Variants in DPYD observed in about 807,000 individuals in gnomAD.
DPYD encodes the protein dihydropyrimidine dehydrogenase [NADP(+)].
DPYD carries 109 observed loss-of-function variants against 116.2 expected under a neutral mutation model. That is an observed-to-expected ratio of 0.94 (90% confidence interval 0.80 to 1.10). DPYD has a LOEUF of 1.10. Ranked by LOEUF, DPYD falls within the 50% of genes least tolerant of loss-of-function variation. The pLI, the probability that DPYD is intolerant of heterozygous loss-of-function variation, is 0.00. For synonymous variants in DPYD, 440 were observed against 432.0 expected, an observed-to-expected ratio of 1.02 and a Z score of -0.23; for missense variants, 1,302 against 1,254.5, an observed-to-expected ratio of 1.04 and a Z score of -0.57.
chr1:97,549,015 G>A (rs952619723), intron 12 of DPYD, among the ~76,000 whole-genome samples: 1 of 151,660 alleles, frequency 6.6e-6, no homozygotes, highest in Non-Finnish European at 1.5e-5. Flanking sequence ...AACACATCAG[G>A]ACTAATGACT....
intron 3 of DPYD, among the ~76,000 whole-genome samples, chr1:97,814,657 G>A (rs564668013): frequency 2.3e-4 from 35 of 152,184 alleles, no homozygotes; most frequent in Admixed American, 7.9e-4. Flanking sequence ...AGAAAGACTT[G>A]TGGATGAATT....
chr1:97,116,840 C>G (rs1652002383), intron 20 of DPYD, among the ~76,000 whole-genome samples: 1 of 151,870 alleles, frequency 6.6e-6, no homozygotes, highest in African/African-American at 2.4e-5. Flanking sequence ...CTTTAGATAT[C>G]TACCTCAGAA....
At chr1:97,453,536 T>C (rs569214279) in intron 13 of DPYD, among the ~76,000 whole-genome samples, 2 of 152,274 alleles carry the variant, frequency 1.3e-5, no homozygotes, top group South Asian at 4.1e-4. Context: ...AGCTATATGC[T>C]ATATGCTATT....
chr1:97,227,156 C>T (rs912109714), intron 19 of DPYD, among the ~76,000 whole-genome samples: 1 of 151,426 alleles, frequency 6.6e-6, no homozygotes, highest in African/African-American at 2.4e-5. Context: ...GAAACCCCGT[C>T]TTTACAAAAA....
At chr1:97,226,964 C>T (rs569665297) in intron 19 of DPYD, among the ~76,000 whole-genome samples, 3 of 152,118 alleles carry the variant, frequency 2.0e-5, no homozygotes, top group South Asian at 4.2e-4. Context: ...TAGAAATAAA[C>T]AGTGCCACGG....
At chr1:97,287,458 G>C (rs919476848) in intron 18 of DPYD, among the ~76,000 whole-genome samples, 1 of 152,130 alleles carries the variant, frequency 6.6e-6, no homozygotes, top group Non-Finnish European at 1.5e-5. Context: ...TCTCTTCAAA[G>C]CTGTCAGACA....
chr1:97,241,456 T>G (rs984786164), intron 18 of DPYD, among the ~76,000 whole-genome samples: 7 of 151,990 alleles, frequency 4.6e-5, no homozygotes, highest in Non-Finnish European at 1.0e-4. Flanking sequence ...AATAAATAAC[T>G]TATCCAGTGT....
chr1:97,120,152 T>C lies in DPYD; in HGVS notation c.2623-21520A>G, dbSNP rs1442025251. ...TTAGCTCCTTCTTTGTCTGGGGATT[T>C]TGTTAATGCCCTTTCTTCATATAAG... On this transcript the variant is annotated intron_variant, in intron 20 of 22. Coordinates refer to ENST00000370192, the MANE Select transcript of DPYD (RefSeq NM_000110.4). 2.0e-5 allele frequency among the ~76,000 whole-genome samples: 3 copies of C among 152,310 alleles called. No individual in the cohort carries two copies. The East Asian group carries it at 5.8e-4, about 29-fold the overall frequency.
rs554600208 is a variant in DPYD, at chr1:97,390,919, C to T, written c.1906-8458G>A. ...CTCCCCAAGGTTAACAGTGACCTCACCAAATATATTATATACTTTTCAGCC... is the reference window on the plus strand; with the variant it reads ...CTCCCCAAGGTTAACAGTGACCTCATCAAATATATTATATACTTTTCAGCC... On this transcript the variant is annotated intron_variant, in intron 14 of 22. Coordinates refer to ENST00000370192, the MANE Select transcript of DPYD (RefSeq NM_000110.4). Among the ~76,000 whole-genome samples, 93 of 151,940 alleles carry T rather than the reference C, an allele frequency of 6.1e-4. 1 individual carries two copies. The highest frequency in any genetic ancestry group is 2.1e-3 in the African/African-American group (89 of 41,514).
At chr1:97,399,159 A>C (rs906639349) in intron 14 of DPYD, among the ~76,000 whole-genome samples, 3 of 152,138 alleles carry the variant, frequency 2.0e-5, no homozygotes, top group Non-Finnish European at 4.4e-5. Context: ...TCAGCTTTCT[A>C]CATATGGCTA....
At chr1:97,335,049 A>C (rs1281794240) in intron 16 of DPYD, among the ~76,000 whole-genome samples, 1 of 152,150 alleles carries the variant, frequency 6.6e-6, no homozygotes, top group Non-Finnish European at 1.5e-5. Flanking sequence ...TCACTGTGAC[A>C]AACTTCTAGA....
intron 10 of DPYD, among the ~76,000 whole-genome samples, chr1:97,581,279 A>T (rs1396372914): frequency 3.7e-5 from 5 of 134,702 alleles, no homozygotes; most frequent in Non-Finnish European, 7.7e-5. Context: ...GTGAGCTGAG[A>T]TCGCACCACT....
At position 97,768,092 on chromosome 1, in the gene DPYD, G is replaced by T. The variant is rs547461559; in HGVS notation, c.234-27613C>A. Among the ~76,000 whole-genome samples, 11 of 152,170 alleles carry T rather than the reference G, an allele frequency of 7.2e-5. No homozygotes were observed. In the South Asian group the frequency reaches 2.1e-3, roughly 29 times the overall value. On this transcript the variant is annotated intron_variant, in intron 3 of 22. Transcript: ENST00000370192. ...CATAACCCAGAGAGACAGCAATCAG[G>T]TCCTCGAAAGTTTTGGGAATCTGAG...
chr1:97,730,729 T>A (rs182015306), intron 4 of DPYD, among the ~76,000 whole-genome samples: 1 of 152,198 alleles, frequency 6.6e-6, no homozygotes, highest in African/African-American at 2.4e-5. Context: ...CAGTAAGTTA[T>A]TAAATTTGAA....
intron 8 of DPYD, among the ~76,000 whole-genome samples, chr1:97,605,858 T>C (rs896593192): frequency 6.6e-6 from 1 of 152,028 alleles, no homozygotes; most frequent in African/African-American, 2.4e-5. Flanking sequence ...TTCATATGCA[T>C]ACCTTTCTTG....
chr1:97,187,016 A>G (rs1658046488), intron 20 of DPYD, among the ~76,000 whole-genome samples: 1 of 152,098 alleles, frequency 6.6e-6, no homozygotes, highest in Non-Finnish European at 1.5e-5. Context: ...TATCTTTGCT[A>G]TCGTGAATAG....
intron 3 of DPYD, among the ~76,000 whole-genome samples, chr1:97,801,717 C>T (rs909385938): frequency 5.3e-5 from 8 of 151,628 alleles, no homozygotes; most frequent in Admixed American, 1.3e-4. Flanking sequence ...ATGGAAAGGC[C>T]CATTATTTTT....
At chr1:97,756,040 G>A (rs1226617282) in intron 3 of DPYD, among the ~76,000 whole-genome samples, 4 of 152,030 alleles carry the variant, frequency 2.6e-5, no homozygotes, top group African/African-American at 7.2e-5. Context: ...ATTATGACAA[G>A]CACCAACATC....
At chr1:97,777,755 G>GT (rs1471357442) in intron 3 of DPYD, among the ~76,000 whole-genome samples, 1 of 152,084 alleles carries the variant, frequency 6.6e-6, no homozygotes, top group African/African-American at 2.4e-5. Flanking sequence ...ATGCTTTTTG[G>GT]TTTTTTGTTC....
Sources: gnomAD v4.1 joint callset for allele counts (sites outside exome capture counted in the v4.1 genomes callset) on GRCh38, gnomAD v4.1.1 for gene constraint, MANE v1.5 for transcripts, NCBI Gene and HGNC (gene_info 2026-07-23, HGNC 2026-07-21) for gene names.